Variants in MACROH2A2 observed in about 807,000 individuals in gnomAD.
The protein encoded by MACROH2A2 is macroH2A.2 histone.
MACROH2A2 carries 6 observed loss-of-function variants against 37.6 expected under a neutral mutation model. The ratio of observed to expected loss-of-function variants is 0.16; its 90% CI spans 0.09 to 0.32. MACROH2A2 has a LOEUF of 0.32. Among genes scored for constraint, MACROH2A2 ranks in the 10% least tolerant of loss-of-function variants. MACROH2A2 has a pLI of 1.00. For synonymous variants in MACROH2A2, 192 were observed against 202.7 expected (o/e 0.95, Z 0.45); for missense variants, 290 against 485.9 (o/e 0.60, Z 3.79).
intron 6 of MACROH2A2, among the ~76,000 whole-genome samples, chr10:70,097,434 C>T (rs1263923429): frequency 6.6e-6 from 1 of 152,152 alleles, no homozygotes; most frequent in Non-Finnish European, 1.5e-5. Context: ...AGGAGTCCCT[C>T]CCATTACGAT....
chr10:70,068,982 G>A (rs2072093801), intron 1 of MACROH2A2, among the ~76,000 whole-genome samples: 1 of 152,188 alleles, frequency 6.6e-6, no homozygotes, highest in African/African-American at 2.4e-5. Flanking sequence ...TTGAATCTAT[G>A]ATGGTATCGA....
intron 5 of MACROH2A2, among the ~76,000 whole-genome samples, chr10:70,094,687 C>G (rs561981905): frequency 1.3e-5 from 2 of 152,160 alleles, no homozygotes; most frequent in Non-Finnish European, 2.9e-5. Flanking sequence ...TGTTACATGA[C>G]GATTAGCTTT....
chr10:70,109,705 C>G (rs543551212), intron 8 of MACROH2A2, among the ~76,000 whole-genome samples: 1 of 152,194 alleles, frequency 6.6e-6, no homozygotes, highest in Non-Finnish European at 1.5e-5. Flanking sequence ...CAGAGAATTC[C>G]GTTGCTGCTC....
At chr10:70,084,351 A>G (rs1417192305) in intron 2 of MACROH2A2, among the ~76,000 whole-genome samples, 1 of 152,252 alleles carries the variant, frequency 6.6e-6, no homozygotes, top group Non-Finnish European at 1.5e-5. Flanking sequence ...GAGAATTTCC[A>G]GCAGATGGTA....
intron 1 of MACROH2A2, among the ~76,000 whole-genome samples, chr10:70,066,788 C>T (rs1418493866): frequency 2.0e-5 from 3 of 152,154 alleles, no homozygotes; most frequent in African/African-American, 7.2e-5. Flanking sequence ...TGCACGTACA[C>T]GGAGCAGCAA....
intron 2 of MACROH2A2, among the ~76,000 whole-genome samples, chr10:70,077,966 A>G (rs2072149498): frequency 6.6e-6 from 1 of 152,180 alleles, no homozygotes; most frequent in Non-Finnish European, 1.5e-5. Context: ...ATGGGGAACT[A>G]GGACTCCCTC....
At chr10:70,084,458 G>A (rs184495572) in intron 2 of MACROH2A2, among the ~76,000 whole-genome samples, 12 of 152,292 alleles carry the variant, frequency 7.9e-5, no homozygotes, top group East Asian at 1.9e-4. Flanking sequence ...AGGCTCAGGC[G>A]GGAGAATCAC....
intron 2 of MACROH2A2, among the ~76,000 whole-genome samples, chr10:70,082,951 T>C (rs1305145905): frequency 6.6e-6 from 1 of 152,084 alleles, no homozygotes; most frequent in Non-Finnish European, 1.5e-5. Context: ...TTTAAAATGG[T>C]TAAATGGTAG....
intron 1 of MACROH2A2, among the ~76,000 whole-genome samples, chr10:70,060,075 G>A (rs1399697494): frequency 2.0e-5 from 3 of 152,154 alleles, no homozygotes; most frequent in Non-Finnish European, 4.4e-5. Flanking sequence ...CACTGCCTGA[G>A]GACTGACAGC....
chr10:70,079,331 G>GC (rs2072159051), intron 2 of MACROH2A2, among the ~76,000 whole-genome samples: 1 of 151,954 alleles, frequency 6.6e-6, no homozygotes, highest in Non-Finnish European at 1.5e-5. Flanking sequence ...CAGCCAGGTG[G>GC]GGAAGGGAGT....
At position 70,075,468 on chromosome 10, in the gene MACROH2A2, G is replaced by C; in HGVS notation, c.-59-132G>C. 1 of 590,458 alleles carries C rather than the reference G, an allele frequency of 1.7e-6. No homozygotes were observed. Among genetic ancestry groups the C allele is most frequent in the Admixed American group, 3.1e-5 (1 of 32,702 alleles). The allele number at this position is 590,458 out of a possible 1,614,324, so 36.6% of individuals were successfully genotyped here. A position where few individuals can be genotyped will look rare whatever the true frequency, so the allele number is the denominator to read the frequency against. On this transcript the variant is annotated intron_variant, in intron 1 of 8. Coordinates refer to ENST00000373255, the MANE Select transcript of MACROH2A2 (RefSeq NM_018649.3). This position sits in a 1 kb window ranked among gnomAD's most constrained non-coding sequence, Gnocchi z 5.0. Reference sequence around the variant, plus strand: ...GCCTGACTCCGTGCCTCCTGCACCTGCAGTAGCAGCCAGATTTCAGCTGCC... The same window carrying C: ...GCCTGACTCCGTGCCTCCTGCACCTCCAGTAGCAGCCAGATTTCAGCTGCC...
At chr10:70,080,470 T>C (rs768351356) in intron 2 of MACROH2A2, among the ~76,000 whole-genome samples, 7 of 152,056 alleles carry the variant, frequency 4.6e-5, no homozygotes, top group Non-Finnish European at 1.0e-4. Context: ...GCAGAGTGGC[T>C]CATGCCTGTA....
At chr10:70,060,528 G>A (rs763520334) in intron 1 of MACROH2A2, among the ~76,000 whole-genome samples, 8 of 152,146 alleles carry the variant, frequency 5.3e-5, no homozygotes, top group Non-Finnish European at 1.2e-4. Flanking sequence ...CAGTTGCTCA[G>A]CAAACATGGA....
chr10:70,063,715 C>T (rs2072062059), intron 1 of MACROH2A2, among the ~76,000 whole-genome samples: 1 of 152,176 alleles, frequency 6.6e-6, no homozygotes, highest in Non-Finnish European at 1.5e-5. Context: ...CCTTCAAACC[C>T]CTCCTCTCCA....
intron 2 of MACROH2A2, among the ~76,000 whole-genome samples, chr10:70,082,475 A>T (rs2072185176): frequency 6.6e-6 from 1 of 152,158 alleles, no homozygotes; most frequent in African/African-American, 2.4e-5. Context: ...ACGCAAACAG[A>T]TATTTGTGCA....
At chr10:70,072,830 A>G (rs2072118396) in intron 1 of MACROH2A2, among the ~76,000 whole-genome samples, 1 of 152,092 alleles carries the variant, frequency 6.6e-6, no homozygotes, top group Non-Finnish European at 1.5e-5. Flanking sequence ...GGTGGTGCAC[A>G]CCGATAGTCC....
chr10:70,064,223 G>A lies in MACROH2A2; in HGVS notation c.-60+11223G>A, dbSNP rs142998046. Among the ~76,000 whole-genome samples the A allele has an allele frequency of 6.5e-3, 992 of 152,178 alleles. 9 individuals carry two copies. Among genetic ancestry groups the A allele is most frequent in the African/African-American group, 0.023 (939 of 41,532 alleles). ...GTCTCTACTAAAAATACAAAAATTA[G>A]CCAGGTGTGGTGGAAGGCTCCTGTA... On this transcript the variant is annotated intron_variant, in intron 1 of 8. Coordinates refer to ENST00000373255, the MANE Select transcript of MACROH2A2 (RefSeq NM_018649.3).
chr10:70,084,568 T>C (rs925468821), intron 2 of MACROH2A2, among the ~76,000 whole-genome samples: 9 of 152,174 alleles, frequency 5.9e-5, no homozygotes, highest in African/African-American at 2.2e-4. Flanking sequence ...ACTCCGTCTC[T>C]AAATATAAAA....
rs74648773 is a variant in MACROH2A2 at position 70,102,083 on chromosome 10, G to A, written c.778+1786G>A. Among the ~76,000 whole-genome samples the A allele has an allele frequency of 8.7e-3, 1,328 of 152,230 alleles. 11 individuals carry two copies. The highest frequency in any genetic ancestry group is 0.031 in the African/African-American group (1,273 of 41,542). On this transcript the variant is annotated intron_variant, in intron 7 of 8. Transcript: ENST00000373255. ...GTACCCTCAGTCAGTGCCAAGTGCC[G>A]CAGGGCTTCAGAGGAAAATAAAACC...
Sources: allele counts gnomAD v4.1 joint callset (sites outside exome capture counted in the v4.1 genomes callset), GRCh38; gene constraint gnomAD v4.1.1; non-coding constraint Gnocchi (gnomAD v3.1); transcripts MANE v1.5; gene names NCBI Gene and HGNC (gene_info 2026-07-23, HGNC 2026-07-21).